SGCZ: variants seen among roughly 807,000 people sequenced by gnomAD.
SGCZ encodes the protein sarcoglycan zeta, also known as zeta-sarcoglycan.
In SGCZ, 40 loss-of-function variants were observed where a neutral mutation model predicts 41.3. The ratio of observed to expected loss-of-function variants is 0.97; its 90% CI spans 0.75 to 1.26. The LOEUF is 1.26. SGCZ is among the 50% of genes most tolerant of loss of function. The pLI, the probability that SGCZ is intolerant of heterozygous loss-of-function variation, is 0.00. For synonymous variants in SGCZ, 206 were observed against 137.5 expected, an observed-to-expected ratio of 1.50 and a Z score of -3.49; for missense variants, 552 against 369.8, an observed-to-expected ratio of 1.49 and a Z score of -4.04.
intron 1 of SGCZ, among the ~76,000 whole-genome samples, chr8:15,138,366 G>C (rs923020173): frequency 2.0e-5 from 3 of 152,118 alleles, no homozygotes; most frequent in African/African-American, 7.2e-5. Context: ...TGAGACTTTA[G>C]GGGACTGTTG....
At chr8:14,484,578 A>G (rs1207948599) in intron 2 of SGCZ, among the ~76,000 whole-genome samples, 1 of 152,174 alleles carries the variant, frequency 6.6e-6, no homozygotes, top group Non-Finnish European at 1.5e-5. Flanking sequence ...TGGTATGGAA[A>G]AAGATAGATC....
chr8:14,774,314 C>T (rs1265195693), intron 1 of SGCZ, among the ~76,000 whole-genome samples: 1 of 152,168 alleles, frequency 6.6e-6, no homozygotes, highest in Non-Finnish European at 1.5e-5. Flanking sequence ...TCTATAATTG[C>T]ATCAGCCAAT....
chr8:14,526,456 A>G (rs1802953298), intron 2 of SGCZ, among the ~76,000 whole-genome samples: 2 of 152,126 alleles, frequency 1.3e-5, no homozygotes, highest in East Asian at 1.9e-4. Context: ...AATTATAAAC[A>G]TACCTTTTAA....
intron 5 of SGCZ, among the ~76,000 whole-genome samples, chr8:14,147,004 G>A (rs1201840815): frequency 6.6e-6 from 1 of 151,236 alleles, no homozygotes; most frequent in Non-Finnish European, 1.5e-5. Context: ...AAGGCTTAGA[G>A]TTTTGAGTAG....
intron 2 of SGCZ, among the ~76,000 whole-genome samples, chr8:14,511,297 T>A (rs1416588502): frequency 6.6e-6 from 1 of 152,074 alleles, no homozygotes; most frequent in African/African-American, 2.4e-5. Flanking sequence ...TGTCTTTTTT[T>A]AAATCTTCTA....
At chr8:14,891,676 T>A (rs1805024543) in intron 1 of SGCZ, among the ~76,000 whole-genome samples, 1 of 152,174 alleles carries the variant, frequency 6.6e-6, no homozygotes, top group East Asian at 1.9e-4. Context: ...TAAAAGAAGT[T>A]CTACTGTGAG....
chr8:15,115,853 A>G (rs1254075494), intron 1 of SGCZ, among the ~76,000 whole-genome samples: 3 of 152,248 alleles, frequency 2.0e-5, no homozygotes, highest in Non-Finnish European at 4.4e-5. Flanking sequence ...CCAAAGGGGA[A>G]AAATATTGAA....
chr8:14,689,076 G>T (rs563512587), intron 1 of SGCZ, among the ~76,000 whole-genome samples: 1 of 152,092 alleles, frequency 6.6e-6, no homozygotes, highest in Non-Finnish European at 1.5e-5. Context: ...TATTATAATA[G>T]TTCTTTTCTA....
chr8:14,828,265 A>T (rs1385422390), intron 1 of SGCZ, among the ~76,000 whole-genome samples: 1 of 152,202 alleles, frequency 6.6e-6, no homozygotes, highest in Non-Finnish European at 1.5e-5. Context: ...ATTGAAGATG[A>T]AGCCTGCAGG....
At chr8:14,797,028 C>T (rs1801156824) in intron 1 of SGCZ, among the ~76,000 whole-genome samples, 1 of 152,130 alleles carries the variant, frequency 6.6e-6, no homozygotes. Flanking sequence ...ATAAATTACC[C>T]AGTCTCAGGT....
chr8:15,119,882 G>A (rs555870229), intron 1 of SGCZ, among the ~76,000 whole-genome samples: 8 of 152,058 alleles, frequency 5.3e-5, no homozygotes, highest in East Asian at 3.9e-4. Flanking sequence ...CGATCATAAC[G>A]CATTGTGGCC....
At chr8:14,425,557 G>A (rs919051918) in intron 2 of SGCZ, among the ~76,000 whole-genome samples, 4 of 151,858 alleles carry the variant, frequency 2.6e-5, no homozygotes, top group African/African-American at 7.3e-5. Context: ...CGAGGCAGAC[G>A]TTGCAGTGAG....
rs372989896 is a variant in SGCZ at position 15,079,879 on chromosome 8, C to T, written c.39+157706G>A. 8.5e-4 allele frequency among the ~76,000 whole-genome samples: 129 copies of T among 152,076 alleles called. 1 individual carries two copies. Among genetic ancestry groups the T allele is most frequent in the Middle Eastern group, 3.4e-3 (1 of 294 alleles). Reference sequence around the variant, plus strand: ...AGGTAACTTTTCAATCCTTTCTTCTCCCCCTCCCTCTCCCCTTTTGGAATC... The same window carrying T: ...AGGTAACTTTTCAATCCTTTCTTCTTCCCCTCCCTCTCCCCTTTTGGAATC... On this transcript the variant is annotated intron_variant, in intron 1 of 7. Coordinates refer to ENST00000382080, the MANE Select transcript of SGCZ (RefSeq NM_139167.4).
intron 1 of SGCZ, among the ~76,000 whole-genome samples, chr8:14,618,252 G>T: frequency 6.6e-6 from 1 of 152,116 alleles, no homozygotes; most frequent in East Asian, 1.9e-4. Flanking sequence ...TGTTATACAA[G>T]GTCTTTGGAG....
intron 1 of SGCZ, among the ~76,000 whole-genome samples, chr8:15,232,885 A>G (rs1802000000): frequency 1.3e-5 from 2 of 151,374 alleles, no homozygotes; most frequent in Admixed American, 6.6e-5. Context: ...TGATTAATAT[A>G]GTAATTAGCT....
intron 1 of SGCZ, among the ~76,000 whole-genome samples, chr8:15,086,110 T>G (rs1805939542): frequency 6.6e-6 from 1 of 152,240 alleles, no homozygotes; most frequent in Non-Finnish European, 1.5e-5. Context: ...ATTAGCATTC[T>G]TCAGATAAAG....
intron 1 of SGCZ, among the ~76,000 whole-genome samples, chr8:14,729,423 T>A (rs1041690901): frequency 6.6e-6 from 1 of 152,136 alleles, no homozygotes; most frequent in Non-Finnish European, 1.5e-5. Context: ...AGACAGGACC[T>A]TTTAAAGAGG....
At chr8:14,686,396 G>A (rs1367217220) in intron 1 of SGCZ, among the ~76,000 whole-genome samples, 7 of 152,074 alleles carry the variant, frequency 4.6e-5, no homozygotes, top group African/African-American at 4.8e-5. Flanking sequence ...GATGGGACTC[G>A]AAACATAGCA....
Position 15,110,383 on chromosome 8 carries a change from G to A in SGCZ, c.39+127202C>T, listed in dbSNP as rs539269913. Among the ~76,000 whole-genome samples, 10 of 152,308 alleles carry A rather than the reference G, an allele frequency of 6.6e-5. No homozygotes were observed. In the Middle Eastern group the frequency reaches 0.01, roughly 155 times the overall value. On this transcript the variant is annotated intron_variant, in intron 1 of 7. Coordinates refer to ENST00000382080, the MANE Select transcript of SGCZ (RefSeq NM_139167.4). ...AAAATTATGTTCACAATGATCATCT[G>A]GTCGTTCCTATAAGATCCATGGATA...
Sources: allele counts gnomAD v4.1 joint callset (sites outside exome capture counted in the v4.1 genomes callset), GRCh38; gene constraint gnomAD v4.1.1; transcripts MANE v1.5; gene names NCBI Gene and HGNC (gene_info 2026-07-23, HGNC 2026-07-21).